The following MARCHF4 variants were observed in gnomAD, a reference collection of about 807,000 sequenced individuals.
The protein encoded by MARCHF4 is E3 ubiquitin-protein ligase MARCHF4.
MARCHF4 carries 14 observed loss-of-function variants against 43.9 expected under a neutral mutation model. That is an observed-to-expected ratio of 0.32 (90% confidence interval 0.21 to 0.50). The LOEUF (loss-of-function observed/expected upper bound fraction) is 0.50. Ranked by LOEUF, MARCHF4 falls within the 20% of genes least tolerant of loss-of-function variation. MARCHF4 has a pLI of 0.98. For synonymous variants in MARCHF4, 226 were observed against 213.3 expected (o/e 1.06, Z -0.52); for missense variants, 468 against 536.7 (o/e 0.87, Z 1.27).
At chr2:216,319,058 G>T (rs191136830) in intron 1 of MARCHF4, among the ~76,000 whole-genome samples, 1 of 152,068 alleles carries the variant, frequency 6.6e-6, no homozygotes, top group Admixed American at 6.5e-5. Flanking sequence ...CTGTAATGCC[G>T]GCACTTTGCG....
rs535127219 is a variant in MARCHF4 at position 216,297,367 on chromosome 2, G to A, written c.517-13638C>T. On this transcript the variant is annotated intron_variant, in intron 1 of 3. Transcript: ENST00000273067. ...CAGTGCCTTCCAGTTTTCCCATTCC[G>A]ATCCATATGTGAAAACCAACATGAG... is the stretch of plus-strand genomic sequence containing the variant. Among the ~76,000 whole-genome samples the A allele has an allele frequency of 5.3e-5, 8 of 152,180 alleles. No homozygotes were observed. In the South Asian group the frequency reaches 6.2e-4, roughly 12 times the overall value.
intron 1 of MARCHF4, among the ~76,000 whole-genome samples, chr2:216,325,094 G>T (rs953902642): frequency 2.6e-5 from 4 of 152,176 alleles, no homozygotes; most frequent in African/African-American, 7.2e-5. Context: ...ATCTTCTTAA[G>T]CTGATAAGCA....
chr2:216,290,429 C>A (rs977101181), intron 1 of MARCHF4, among the ~76,000 whole-genome samples: 1 of 151,838 alleles, frequency 6.6e-6, no homozygotes, highest in Non-Finnish European at 1.5e-5. Context: ...GAAGAGGAGC[C>A]GAAAATGAAG....
At chr2:216,270,100 A>G (rs1690910765) in intron 3 of MARCHF4, among the ~76,000 whole-genome samples, 1 of 150,906 alleles carries the variant, frequency 6.6e-6, no homozygotes, top group South Asian at 2.1e-4. Flanking sequence ...TTTTTGAGAC[A>G]GGTTTCACTT....
chr2:216,350,757 CTCA>C (rs1692394424), intron 1 of MARCHF4, among the ~76,000 whole-genome samples: 1 of 152,142 alleles, frequency 6.6e-6, no homozygotes, highest in African/African-American at 2.4e-5. Flanking sequence ...ATTGGAACAT[CTCA>C]TCATCATGGT....
At chr2:216,284,402 G>A (rs939549206) in intron 1 of MARCHF4, among the ~76,000 whole-genome samples, 1 of 152,190 alleles carries the variant, frequency 6.6e-6, no homozygotes, top group African/African-American at 2.4e-5. Context: ...GGCAGCATTG[G>A]GCTCACTCTC....
intron 1 of MARCHF4, among the ~76,000 whole-genome samples, chr2:216,321,164 G>A (rs1264951961): frequency 6.6e-6 from 1 of 151,968 alleles, no homozygotes; most frequent in Non-Finnish European, 1.5e-5. Flanking sequence ...TAACTCTTCA[G>A]TCAAGACTCC....
At chr2:216,356,860 TA>T (rs1422788806) in intron 1 of MARCHF4, among the ~76,000 whole-genome samples, 1 of 151,890 alleles carries the variant, frequency 6.6e-6, no homozygotes, top group Non-Finnish European at 1.5e-5. Context: ...CCGTCTCTAC[TA>T]AAAATATAAA....
At chr2:216,340,887 A>G (rs1262755037) in intron 1 of MARCHF4, among the ~76,000 whole-genome samples, 1 of 152,200 alleles carries the variant, frequency 6.6e-6, no homozygotes, top group Non-Finnish European at 1.5e-5. Context: ...ACTGAGGCCC[A>G]GAGAAGTGAG....
intron 1 of MARCHF4, among the ~76,000 whole-genome samples, chr2:216,325,612 A>T (rs1203471581): frequency 6.6e-6 from 1 of 152,212 alleles, no homozygotes; most frequent in East Asian, 1.9e-4. Context: ...TGGTATATAG[A>T]TATAGATCAA....
intron 1 of MARCHF4, among the ~76,000 whole-genome samples, chr2:216,316,444 T>G (rs1025557051): frequency 3.3e-5 from 5 of 152,136 alleles, no homozygotes; most frequent in African/African-American, 1.2e-4. Flanking sequence ...AGGGCAGCTC[T>G]CTGATTCAAG....
rs143888578 is a variant in MARCHF4 at position 216,312,150 on chromosome 2, T to G, written c.517-28421A>C. Among the ~76,000 whole-genome samples the G allele has an allele frequency of 6.4e-3, 974 of 152,306 alleles. 8 individuals carry two copies. Among genetic ancestry groups the G allele is most frequent in the African/African-American group, 0.022 (930 of 41,552 alleles). On this transcript the variant is annotated intron_variant, in intron 1 of 3. Transcript: ENST00000273067. ...ACCTTCTGGAGTCCCCAGTGCTTAT[T>G]ATTTCCACCTTTATGTCCACTTGTG...
At chr2:216,263,621 T>C (rs972056319) in intron 3 of MARCHF4, among the ~76,000 whole-genome samples, 2 of 152,038 alleles carry the variant, frequency 1.3e-5, no homozygotes, top group African/African-American at 4.8e-5. Context: ...CTGAGGCTTC[T>C]GAAGCATGAA....
At chr2:216,359,357 TTCTTTTC>T (rs1692544745) in intron 1 of MARCHF4, among the ~76,000 whole-genome samples, 1 of 152,210 alleles carries the variant, frequency 6.6e-6, no homozygotes, top group Non-Finnish European at 1.5e-5. Context: ...TTTTTTCCTC[TTCTTTTC>T]TCTTTTCTCT....
intron 1 of MARCHF4, among the ~76,000 whole-genome samples, chr2:216,293,964 A>C (rs1221983224): frequency 7.3e-6 from 1 of 136,214 alleles, no homozygotes; most frequent in Non-Finnish European, 1.7e-5. Context: ...GTCTTTCTGC[A>C]TAACTCATCA....
intron 1 of MARCHF4, among the ~76,000 whole-genome samples, chr2:216,310,458 C>T (rs1379284258): frequency 6.6e-6 from 1 of 151,968 alleles, no homozygotes; most frequent in Non-Finnish European, 1.5e-5. Context: ...TAGACATTCT[C>T]CTTATGTTGC....
chr2:216,263,452 AG>A (rs1192014701), intron 3 of MARCHF4, among the ~76,000 whole-genome samples: 8 of 150,560 alleles, frequency 5.3e-5, no homozygotes, highest in Admixed American at 1.3e-4. Flanking sequence ...AGAGAGAGAG[AG>A]AGAGAGAAAG....
At chr2:216,354,456 T>A (rs1692451249) in intron 1 of MARCHF4, among the ~76,000 whole-genome samples, 2 of 152,166 alleles carry the variant, frequency 1.3e-5, no homozygotes, top group Non-Finnish European at 2.9e-5. Context: ...CCTGTGTGGT[T>A]TTTTAGCACA....
At position 216,259,574 on chromosome 2, in the gene MARCHF4, T is replaced by G; in HGVS notation, c.971A>C (p.Glu324Ala). Residue 324 changes from glutamate to alanine, a missense_variant, in exon 4 of 4, where the codon GAG becomes GCG. This residue lies in a region of MARCHF4 where 120 missense variants were observed against 127.1 expected (regional missense o/e 0.94). Transcript: ENST00000273067. ...GGTCCTGCCTCCTGCCTTTTGATCC[T>G]CCAGGTCTTTTGTCTTGTCATAGTT... ...VLNYDKTKDL[E>A]DQKAGGRTNP... 1 of 1,614,212 alleles carries G rather than the reference T, an allele frequency of 6.2e-7. No homozygotes were observed. The highest frequency in any genetic ancestry group is 8.5e-7 in the Non-Finnish European group (1 of 1,180,040).
Sources: gnomAD v4.1 joint callset for allele counts (sites outside exome capture counted in the v4.1 genomes callset) on GRCh38, gnomAD v4.1.1 for gene constraint, gnomAD v4.1.1 regional missense constraint, MANE v1.5 for transcripts, NCBI Gene and HGNC (gene_info 2026-07-23, HGNC 2026-07-21) for gene names.